Variants in GPATCH2 observed in about 807,000 individuals in gnomAD.
GPATCH2 encodes G-patch domain containing 2.
In GPATCH2, 51 loss-of-function variants were observed where a neutral mutation model predicts 58.0. That is an observed-to-expected ratio of 0.88 (90% CI 0.70 to 1.11). GPATCH2 has a LOEUF of 1.11. GPATCH2 is among the 50% of genes most tolerant of loss of function. The pLI is 0.00. For missense variants in GPATCH2, 625 were observed against 652.2 expected (o/e 0.96, Z 0.45); for synonymous variants, 222 against 218.5 (o/e 1.02, Z -0.14).
intron 5 of GPATCH2, among the ~76,000 whole-genome samples, chr1:217,557,870 C>G (rs1212459514): frequency 6.6e-6 from 1 of 152,118 alleles, no homozygotes; most frequent in African/African-American, 2.4e-5. Context: ...CAGTACATGA[C>G]CATCATACCG....
rs1009490377 is a variant in GPATCH2 at position 217,427,636 on chromosome 1, T to C, written c.*3509A>G. The C allele has an allele frequency of 6.6e-6, 1 of 152,162 alleles. No individual in the cohort carries two copies. Among genetic ancestry groups the C allele is most frequent in the Non-Finnish European group, 1.5e-5 (1 of 67,990 alleles). 9.4% of individuals were successfully genotyped at this position (152,162 alleles called of 1,614,324 possible). On this transcript the variant is annotated 3_prime_UTR_variant, in exon 10 of 10. Transcript: ENST00000366935. ...AAATATTCTTTGCTAACAATTTCTT[T>C]ACAATGCCAACTTAGATCACTTTTC...
chr1:217,622,812 A>T (rs1031698034), intron 1 of GPATCH2, among the ~76,000 whole-genome samples: 4 of 152,166 alleles, frequency 2.6e-5, no homozygotes, highest in Admixed American at 1.3e-4. Context: ...TCAGTGCTGG[A>T]ATTATAGGCG....
chr1:217,449,288 T>G lies in GPATCH2; in HGVS notation c.1327A>C (p.Arg443=), dbSNP rs965960481. ...GSLCTGDIKR[R]RKAAPLPGPT... is the part of the protein sequence containing the mutation. ...CCAGGCAAAGGTGCAGCTTTTCTTC[T>G]CCGTTTGATATCTCCCGTGCATAAG... Residue 443 remains arginine, a synonymous_variant, in exon 9 of 10, where the codon AGA becomes CGA. Coordinates refer to ENST00000366935, the MANE Select transcript of GPATCH2 (RefSeq NM_018040.5). The G allele has an allele frequency of 4.3e-6, 7 of 1,610,542 alleles. No individual in the cohort carries two copies. Among genetic ancestry groups the G allele is most frequent in the Non-Finnish European group, 5.9e-6 (7 of 1,176,826 alleles).
intron 7 of GPATCH2, among the ~76,000 whole-genome samples, chr1:217,497,876 A>C (rs1410060813): frequency 6.6e-6 from 1 of 152,178 alleles, no homozygotes; most frequent in Non-Finnish European, 1.5e-5. Context: ...TGAGTCAACT[A>C]ATCATTGTGC....
intron 5 of GPATCH2, among the ~76,000 whole-genome samples, chr1:217,521,034 TG>T (rs1227634924): frequency 2.0e-5 from 3 of 152,080 alleles, no homozygotes; most frequent in Non-Finnish European, 2.9e-5. Context: ...TGTATAGAGC[TG>T]GGGTCCTGCT....
intron 5 of GPATCH2, among the ~76,000 whole-genome samples, chr1:217,539,157 TA>T (rs1163681975): frequency 1.3e-5 from 2 of 151,912 alleles, no homozygotes; most frequent in Non-Finnish European, 2.9e-5. Flanking sequence ...TACATCAGAT[TA>T]AAAAAATAAA....
At chr1:217,562,190 G>GC (rs1665961442) in intron 5 of GPATCH2, among the ~76,000 whole-genome samples, 1 of 152,092 alleles carries the variant, frequency 6.6e-6, no homozygotes, top group African/African-American at 2.4e-5. Flanking sequence ...AACACGGAAT[G>GC]CCCCCCTCCC....
intron 1 of GPATCH2, among the ~76,000 whole-genome samples, chr1:217,621,858 G>A (rs955429636): frequency 3.3e-5 from 5 of 152,062 alleles, no homozygotes; most frequent in African/African-American, 4.8e-5. Flanking sequence ...TAACATTTGC[G>A]CATTTACTAT....
intron 5 of GPATCH2, among the ~76,000 whole-genome samples, chr1:217,552,553 T>A (rs576134986): frequency 2.0e-5 from 3 of 152,188 alleles, no homozygotes; most frequent in African/African-American, 7.2e-5. Flanking sequence ...CATATGTTAC[T>A]GTGCCACCAT....
chr1:217,491,068 T>C (rs1479828406), intron 8 of GPATCH2, among the ~76,000 whole-genome samples: 1 of 152,152 alleles, frequency 6.6e-6, no homozygotes, highest in Non-Finnish European at 1.5e-5. Flanking sequence ...AAGAATAAAA[T>C]AAATGTAAAT....
intron 8 of GPATCH2, among the ~76,000 whole-genome samples, chr1:217,465,568 A>G (rs1038427114): frequency 2.6e-5 from 4 of 152,158 alleles, no homozygotes; most frequent in Non-Finnish European, 2.9e-5. Flanking sequence ...TCTCATAATA[A>G]TGAATAAGTC....
chr1:217,476,992 T>G (rs1047751653), intron 8 of GPATCH2, among the ~76,000 whole-genome samples: 2 of 151,910 alleles, frequency 1.3e-5, no homozygotes, highest in African/African-American at 4.8e-5. Flanking sequence ...CTGGAGGAGA[T>G]GAGAGGGAAG....
Position 217,428,534 on chromosome 1 carries a change from C to A in GPATCH2, c.*2611G>T, listed in dbSNP as rs924559921. On this transcript the variant is annotated 3_prime_UTR_variant, in exon 10 of 10. Coordinates refer to ENST00000366935, the MANE Select transcript of GPATCH2 (RefSeq NM_018040.5). ...GTACAACCAGAACATCAGGTCTGTA[C>A]TGAGTTTTCTTAAAGACTGAGGGCA... The A allele has an allele frequency of 6.6e-6, 1 of 152,116 alleles. No individual in the cohort carries two copies. The highest frequency in any genetic ancestry group is 2.4e-5 in the African/African-American group (1 of 41,416). The allele number at this position is 152,116 out of a possible 1,614,324, so 9.4% of individuals were successfully genotyped here.
intron 5 of GPATCH2, among the ~76,000 whole-genome samples, chr1:217,540,303 T>C (rs530574847): frequency 1.3e-5 from 2 of 152,214 alleles, no homozygotes; most frequent in African/African-American, 4.8e-5. Context: ...AGTGCCCCTT[T>C]TGCATCTGGC....
Position 217,431,167 on chromosome 1 carries a change from G to T in GPATCH2, c.1565C>A (p.Pro522His), listed in dbSNP as rs200676995. 1 of 1,550,014 alleles carries T rather than the reference G, an allele frequency of 6.5e-7. No homozygotes were observed. ...TTCTTAGGCGGATTTTCCTGCATTG[G>T]GGGTAGTAGTTGCGGAAGTACTTTT... The part of the protein sequence containing the change: ...LPKSTSATTT[P>H]NAGKSA The change falls in exon 10 of 10, where the codon CCC becomes CAC. Residue 522 changes from proline to histidine, a missense_variant. Physicochemically the swap from Pro to His is moderately conservative, Grantham distance 77 (BLOSUM62 -2). Coordinates refer to ENST00000366935, the MANE Select transcript of GPATCH2 (RefSeq NM_018040.5).
Position 217,491,757 on chromosome 1 carries a change from A to C in GPATCH2, c.1207-7T>G, listed in dbSNP as rs1180338633. ...TATCTCTCAGAAGCTGATGCTACAC[A>C]AAGTGTTAAGACAAAGTCATAGAAA... On this transcript the variant is annotated splice_region_variant and splice_polypyrimidine_tract_variant and intron_variant, in intron 7 of 9. Transcript: ENST00000366935. 1 of 1,274,164 alleles carries C rather than the reference A, an allele frequency of 7.8e-7. No individual in the cohort carries two copies. The highest frequency in any genetic ancestry group is 1.1e-6 in the Non-Finnish European group (1 of 892,556). 78.9% of individuals were successfully genotyped at this position (1,274,164 alleles called of 1,614,324 possible). A position where few individuals can be genotyped will look rare whatever the true frequency, so the allele number is the denominator to read the frequency against.
Position 217,430,542 on chromosome 1 carries a change from C to T in GPATCH2, c.*603G>A, listed in dbSNP as rs265140. The T allele has an allele frequency of 0.13, 19,202 of 152,192 alleles. 1,436 individuals are homozygous for T. The highest frequency in any genetic ancestry group is 0.2 in the African/African-American group (8,277 of 41,470). 9.4% of individuals were successfully genotyped at this position (152,192 alleles called of 1,614,324 possible). A position where few individuals can be genotyped will look rare whatever the true frequency, so the allele number is the denominator to read the frequency against. ...TTTTTGTCAAAACATCCAAGGGAAA[C>T]ATTAATTGTTGTTTGTCAACTGTGA... On this transcript the variant is annotated 3_prime_UTR_variant, in exon 10 of 10. Coordinates refer to ENST00000366935, the MANE Select transcript of GPATCH2 (RefSeq NM_018040.5).
intron 5 of GPATCH2, among the ~76,000 whole-genome samples, chr1:217,523,893 GCGGGGGGC>G (rs1282022620): frequency 2.7e-5 from 3 of 112,384 alleles, no homozygotes; most frequent in Admixed American, 8.8e-5. Context: ...GGCTGGCCGG[GCGGGGGGC>G]TGACCCCCAC....
intron 5 of GPATCH2, among the ~76,000 whole-genome samples, chr1:217,589,334 G>A (rs1045158354): frequency 1.3e-5 from 2 of 150,418 alleles, no homozygotes; most frequent in African/African-American, 2.5e-5. Flanking sequence ...TATGACCTAA[G>A]TGCCTGCTCA....
Sources: allele counts gnomAD v4.1 joint callset (sites outside exome capture counted in the v4.1 genomes callset), GRCh38; gene constraint gnomAD v4.1.1; transcripts MANE v1.5; gene names NCBI Gene and HGNC (gene_info 2026-07-23, HGNC 2026-07-21).